The following APAF1 variants were observed in gnomAD, a reference collection of about 807,000 sequenced individuals.
The protein encoded by APAF1 is apoptotic protease-activating factor 1.
Under a neutral mutation model 152.4 loss-of-function variants are expected in APAF1, and 91 were observed. The observed-to-expected ratio is 0.60, with a 90% CI of 0.50 to 0.71. The LOEUF (loss-of-function observed/expected upper bound fraction) is 0.71. APAF1 is among the 30% of genes least tolerant of loss of function. The probability of loss-of-function intolerance (pLI) is 0.00; values close to 1 mark genes in which losing one functional copy is unlikely to be tolerated. For missense variants in APAF1, 1,283 were observed against 1,472.0 expected (o/e 0.87, Z 2.10); for synonymous variants, 484 against 494.1 (o/e 0.98, Z 0.27).
intron 20 of APAF1, among the ~76,000 whole-genome samples, chr12:98,711,065 A>G (rs2097727444): frequency 6.6e-6 from 1 of 152,176 alleles, no homozygotes; most frequent in African/African-American, 2.4e-5. Context: ...AAGTTTTACT[A>G]TTGTCCTCAA....
At chr12:98,646,260 A>G (rs1011694460) in intron 1 of APAF1, among the ~76,000 whole-genome samples, 1 of 152,218 alleles carries the variant, frequency 6.6e-6, no homozygotes, top group East Asian at 1.9e-4. Context: ...ATCGAATTTC[A>G]TTACTATAAA....
intron 26 of APAF1, among the ~76,000 whole-genome samples, chr12:98,729,232 A>G (rs969406101): frequency 1.6e-4 from 25 of 152,354 alleles, no homozygotes; most frequent in African/African-American, 5.1e-4. Flanking sequence ...ATGATACTCT[A>G]TATCAGCGGT....
At chr12:98,719,317 G>A (rs2097738907) in intron 22 of APAF1, among the ~76,000 whole-genome samples, 1 of 152,032 alleles carries the variant, frequency 6.6e-6, no homozygotes, top group South Asian at 2.1e-4. Flanking sequence ...CATTTTGGGA[G>A]TTCATAATGC....
At chr12:98,683,309 T>C (rs745686802) in intron 15 of APAF1, 35 bp downstream of exon 15, 2 of 1,607,532 alleles carry the variant, frequency 1.2e-6, no homozygotes, top group African/African-American at 2.7e-5. Context: ...GTAGATAAAT[T>C]TGATTCGTAC....
intron 17 of APAF1, among the ~76,000 whole-genome samples, chr12:98,702,189 C>G (rs2097716169): frequency 6.6e-6 from 1 of 152,110 alleles, no homozygotes; most frequent in South Asian, 2.1e-4. Context: ...CCTCAGCCTC[C>G]CGAGTAGCTG....
At chr12:98,714,863 G>T (rs529801350) in intron 21 of APAF1, among the ~76,000 whole-genome samples, 1 of 140,604 alleles carries the variant, frequency 7.1e-6, no homozygotes, top group African/African-American at 2.6e-5. Flanking sequence ...TTTTGACATA[G>T]TCATTATCTT....
At chr12:98,670,854 T>C in intron 10 of APAF1, 119 bp from the exon 11 acceptor site, 2 of 680,500 alleles carry the variant, frequency 2.9e-6, no homozygotes, top group East Asian at 2.7e-5. Flanking sequence ...CACTAGCTTT[T>C]GCATCCTTTA....
rs2097764308 is a variant in APAF1, at chr12:98,732,872, A to ACC, written c.*306_*307insCC. Reference sequence around the variant, plus strand: ...TTGATGCATTCAAAATGGTTGACATAATTAATGAGAAGAATTTGGAAGAAA... The same window carrying ACC: ...TTGATGCATTCAAAATGGTTGACATACCATTAATGAGAAGAATTTGGAAGAAA... On this transcript the variant is annotated 3_prime_UTR_variant, in exon 27 of 27. Coordinates refer to ENST00000551964, the MANE Select transcript of APAF1 (RefSeq NM_181861.2). The ACC allele has an allele frequency of 3.1e-6, 1 of 324,564 alleles. No individual in the cohort carries two copies. Among genetic ancestry groups the ACC allele is most frequent in the Non-Finnish European group, 5.7e-6 (1 of 174,038 alleles). The allele number at this position is 324,564 out of a possible 1,614,324, so 20.1% of individuals were successfully genotyped here.
In APAF1 at chr12:98,703,426, G is replaced by A. The variant is rs1473476431; in HGVS notation, c.2522G>A (p.Ser841Asn). The change falls in exon 18 of 27, where the codon AGC becomes AAC. Residue 841 changes from serine to asparagine, a missense_variant. Transcript: ENST00000551964. ...GGAGAAATCCACACGGGCCATCACA[G>A]CACCATCCAGTACTGTGACTTCTCC... The part of the protein sequence containing the change: ...LLGEIHTGHH[S>N]TIQYCDFSPQ... 1.9e-6 allele frequency: 3 copies of A among 1,614,126 alleles called. No homozygotes were observed. Among genetic ancestry groups the A allele is most frequent in the South Asian group, 2.2e-5 (2 of 91,088 alleles).
chr12:98,693,921 A>C (rs1320361579), intron 16 of APAF1, among the ~76,000 whole-genome samples: 1 of 151,846 alleles, frequency 6.6e-6, no homozygotes, highest in East Asian at 1.9e-4. Context: ...ATGTCTAAAG[A>C]TGTCTCTGTT....
Position 98,671,489 on chromosome 12 carries a change from A to C in APAF1, c.1609-46A>C, listed in dbSNP as rs751614473. The C allele has an allele frequency of 1.9e-6, 3 of 1,565,624 alleles. No individual in the cohort carries two copies. The South Asian group carries it at 3.3e-5, about 17-fold the overall frequency. Reference sequence around the variant, plus strand: ...GATCACAGAAATGGAAAAATGTCAGATCGTGGCTCTGATTGTGTTTCTAAG... The same window carrying C: ...GATCACAGAAATGGAAAAATGTCAGCTCGTGGCTCTGATTGTGTTTCTAAG... On this transcript the variant is annotated intron_variant, in intron 11 of 26. Transcript: ENST00000551964.
rs1449950126 is a variant in APAF1 at position 98,688,645 on chromosome 12, T to TC, written c.2304+1772_2304+1773insC. Among the ~76,000 whole-genome samples, 100 of 150,376 alleles carry TC rather than the reference T, an allele frequency of 6.7e-4. 2 individuals are homozygous for TC. The highest frequency in any genetic ancestry group is 5.2e-3 in the South Asian group (25 of 4,770). On this transcript the variant is annotated intron_variant, in intron 16 of 26. Transcript: ENST00000551964. ...GCCATCACACCTGGCGAAATTTTTT[T>TC]TTTTTTTTTTTTTTTAGAGATAGGA...
At chr12:98,668,349 T>C (rs1289769889) in intron 10 of APAF1, among the ~76,000 whole-genome samples, 3 of 152,152 alleles carry the variant, frequency 2.0e-5, no homozygotes, top group Admixed American at 6.5e-5. Context: ...TGGATTTGTT[T>C]TGTAAGCTTT....
chr12:98,714,449 C>T (rs894377091), intron 21 of APAF1, among the ~76,000 whole-genome samples: 1 of 152,186 alleles, frequency 6.6e-6, no homozygotes, highest in African/African-American at 2.4e-5. Context: ...ATTCTTATAA[C>T]ATCCTGGATG....
Position 98,671,040 on chromosome 12 carries a change from A to G in APAF1, c.1562A>G (p.His521Arg), listed in dbSNP as rs146424586. 7 of 1,612,642 alleles carry G rather than the reference A, an allele frequency of 4.3e-6. No homozygotes were observed. Among genetic ancestry groups the G allele is most frequent in the Non-Finnish European group, 5.1e-6 (6 of 1,179,244 alleles). Residue 521 changes from histidine (H) to arginine (R), a missense_variant, in exon 11 of 27, where the codon CAT becomes CGT. His to Arg is a conservative substitution (Grantham distance 29, BLOSUM62 0). Transcript: ENST00000551964. ...AAAACAGAACTTGTAGGCCCTGCTC[A>G]TCTGATTCATGAATTTGTGGAATAC... ...KAKTELVGPA[H>R]LIHEFVEYRH...
intron 4 of APAF1, among the ~76,000 whole-genome samples, chr12:98,651,782 C>T (rs2288737): frequency 0.063 from 9,583 of 152,140 alleles, 483 homozygotes; most frequent in African/African-American, 0.14. Context: ...ACCTTAGCCT[C>T]CTGAGGAGCT....
At position 98,659,271 on chromosome 12, in the gene APAF1, C is replaced by T; in HGVS notation, c.638C>T (p.Ser213Phe). 1 of 1,614,138 alleles carries T rather than the reference C, an allele frequency of 6.2e-7. No individual in the cohort carries two copies. The highest frequency in any genetic ancestry group is 1.3e-5 in the African/African-American group (1 of 75,034). ...CTRLDQDESF[S>F]QRLPLNIEEA... ...CGGTTGGATCAGGATGAGAGTTTTT[C>T]CCAGAGGCTTCCACTTAATATTGAA... Residue 213 changes from serine (S) to phenylalanine (F), a missense_variant, in exon 5 of 27, where the codon TCC becomes TTC. Ser to Phe is a radical substitution (Grantham distance 155). Transcript: ENST00000551964.
Position 98,683,237 on chromosome 12 carries a change from T to A in APAF1, c.2141T>A (p.Leu714His). The change falls in exon 15 of 27, where the codon CTT becomes CAT. Residue 714 changes from leucine to histidine, a missense_variant. Transcript: ENST00000551964. Reference protein sequence around the residue: ...CCHFTNSSHHLLLATGSSDCF... With the variant: ...CCHFTNSSHHHLLATGSSDCF... ...CATTTCACCAACAGTAGTCATCATCTTCTCTTAGCCACTGGGTCAAGTGAC... is the reference window on the plus strand; with the variant it reads ...CATTTCACCAACAGTAGTCATCATCATCTCTTAGCCACTGGGTCAAGTGAC... The A allele has an allele frequency of 6.2e-7, 1 of 1,614,004 alleles. No homozygotes were observed. Among genetic ancestry groups the A allele is most frequent in the Non-Finnish European group, 8.5e-7 (1 of 1,179,960 alleles).
intron 18 of APAF1, among the ~76,000 whole-genome samples, chr12:98,704,283 T>C (rs7302131): frequency 0.024 from 3,671 of 152,328 alleles, 132 homozygotes; most frequent in African/African-American, 0.084. Flanking sequence ...GATTAGTTTT[T>C]CCAGGCTTTC....
Sources: allele counts gnomAD v4.1 joint callset (sites outside exome capture counted in the v4.1 genomes callset), GRCh38; gene constraint gnomAD v4.1.1; transcripts MANE v1.5; gene names NCBI Gene and HGNC (gene_info 2026-07-23, HGNC 2026-07-21).